The following SLC11A1 variants were observed in gnomAD, a reference collection of about 807,000 sequenced individuals.
The protein encoded by SLC11A1 is solute carrier family 11 member 1, also known as natural resistance-associated macrophage protein 1.
In SLC11A1, 59 loss-of-function variants were observed where a neutral mutation model predicts 63.2. The observed-to-expected ratio is 0.93, with a 90% CI of 0.76 to 1.16. The LOEUF is 1.16. SLC11A1 is among the 50% of genes most tolerant of loss of function. The pLI is 0.00. For missense variants in SLC11A1, 688 were observed against 730.7 expected (o/e 0.94, Z 0.67); for synonymous variants, 305 against 307.8 (o/e 0.99, Z 0.09).
In SLC11A1 at chr2:218,384,277, C is replaced by T. The variant is rs752840408; in HGVS notation, c.185C>T (p.Thr62Met). The T allele has an allele frequency of 9.3e-6, 15 of 1,606,886 alleles. No individual in the cohort carries two copies. The African/African-American group carries it at 9.4e-5, about 10-fold the overall frequency. The change falls in exon 3 of 15, where the codon ACG becomes ATG. Residue 62 changes from threonine (T) to methionine (M), a missense_variant. By Grantham distance (81) the Thr-to-Met change is moderately conservative. Transcript: ENST00000233202. This position sits in a 1 kb window ranked among gnomAD's most constrained non-coding sequence, Gnocchi z 4.0. ...TFSLRKLWAF[T>M]GPGFLMSIAF... ...AGCCTGCGGAAGCTATGGGCCTTCA[C>T]GGGGCCTGGCTTCCTCATGAGCATT...
In SLC11A1 at chr2:218,395,305, A is replaced by C; in HGVS notation, c.*270A>C. 4.6e-6 allele frequency: 2 copies of C among 432,180 alleles called. No homozygotes were observed. Among genetic ancestry groups the C allele is most frequent in the Non-Finnish European group, 4.2e-6 (1 of 238,124 alleles). The allele number at this position is 432,180 out of a possible 1,614,324, so 26.8% of individuals were successfully genotyped here. A position where few individuals can be genotyped will look rare whatever the true frequency, so the allele number is the denominator to read the frequency against. On this transcript the variant is annotated 3_prime_UTR_variant, in exon 15 of 15. Transcript: ENST00000233202. ...CTGGCACTTGGGACAAAAACAAACAAACGAAAAACATTTCAAAAGGTATTT... is the reference window on the plus strand; with the variant it reads ...CTGGCACTTGGGACAAAAACAAACACACGAAAAACATTTCAAAAGGTATTT...
chr2:218,387,165 C>T lies in SLC11A1; in HGVS notation c.506C>T (p.Pro169Leu). 1 of 1,614,220 alleles carries T rather than the reference C, an allele frequency of 6.2e-7. No homozygotes were observed. The highest frequency in any genetic ancestry group is 8.5e-7 in the Non-Finnish European group (1 of 1,180,012). ...CCGGGCCACTCTGGTTTCAGAATCC[C>T]ACTCTGGGGTGGCGTCCTCATCACC... ...AFNLLSAGRI[P>L]LWGGVLITIV... The change falls in exon 6 of 15, where the codon CCA (proline) becomes CTA (leucine). Residue 169 changes from proline (P) to leucine (L), a missense_variant. Physicochemically the swap from Pro to Leu is moderately conservative, Grantham distance 98 (BLOSUM62 -3). Coordinates refer to ENST00000233202, the MANE Select transcript of SLC11A1 (RefSeq NM_000578.4).
chr2:218,391,355 C>T (rs1696430135), intron 10 of SLC11A1, 21 bp from the exon 11 acceptor site: 5 of 1,613,952 alleles, frequency 3.1e-6, no homozygotes, highest in Non-Finnish European at 4.2e-6. Flanking sequence ...GCCACCGGTC[C>T]TACCACACTC....
Position 218,384,342 on chromosome 2 carries a change from G to C in SLC11A1, c.250G>C (p.Ala84Pro), listed in dbSNP as rs764130333. 6.2e-7 allele frequency: 1 copy of C among 1,606,082 alleles called. No individual in the cohort carries two copies. Among genetic ancestry groups the C allele is most frequent in the Non-Finnish European group, 8.5e-7 (1 of 1,174,360 alleles). Reference protein sequence around the residue: ...DPGNIESDLQAGAVAGFKLLW... With the variant: ...DPGNIESDLQPGAVAGFKLLW... ...AGGAAACATCGAGTCAGATCTTCAG[G>C]CTGGCGCCGTGGCGGGATTCAAAGT... The change falls in exon 3 of 15, where the codon GCT (alanine) becomes CCT (proline). Residue 84 changes from alanine to proline, a missense_variant. Coordinates refer to ENST00000233202, the MANE Select transcript of SLC11A1 (RefSeq NM_000578.4). This position sits in a 1 kb window ranked among gnomAD's most constrained non-coding sequence, Gnocchi z 4.0.
intron 11 of SLC11A1, 67 bp downstream of exon 11, chr2:218,391,562 G>C (rs769238360): frequency 2.0e-6 from 3 of 1,471,476 alleles, no homozygotes; most frequent in African/African-American, 2.8e-5. Context: ...CTGGGGGCTA[G>C]AACTCCGAGC....
chr2:218,396,894 A>G lies in SLC11A1; in HGVS notation c.*1859A>G, dbSNP rs895173722. ...GAATTAAAGATGTCAGTTCTCAAGG[A>G]CCCCACACTCCAGCGGCGGGAGACA... On this transcript the variant is annotated 3_prime_UTR_variant, in exon 15 of 15. Coordinates refer to ENST00000233202, the MANE Select transcript of SLC11A1 (RefSeq NM_000578.4). 6.6e-6 allele frequency: 1 copy of G among 152,070 alleles called. No individual in the cohort carries two copies. The highest frequency in any genetic ancestry group is 1.5e-5 in the Non-Finnish European group (1 of 68,072). 9.4% of individuals were successfully genotyped at this position (152,070 alleles called of 1,614,324 possible).
At chr2:218,392,059 T>C in intron 11 of SLC11A1, 1 of 387,008 alleles carries the variant, frequency 2.6e-6, no homozygotes, top group Non-Finnish European at 5.2e-6. Context: ...TCCGGCCTTT[T>C]CTTTTCTTTC....
intron 7 of SLC11A1, 27 bp downstream of exon 7, chr2:218,387,659 T>G: frequency 6.2e-7 from 1 of 1,613,568 alleles, no homozygotes; most frequent in Non-Finnish European, 8.5e-7. Context: ...GCAACCCCAC[T>G]GTGGACCTCC....
chr2:218,385,661 G>GA, intron 4 of SLC11A1: 1 of 362,010 alleles, frequency 2.8e-6, no homozygotes, highest in Non-Finnish European at 5.4e-6. Context: ...AAAGTGCTGG[G>GA]ATTACAGGCA....
At position 218,387,370 on chromosome 2, in the gene SLC11A1, C is replaced by T. The variant is rs1029954651; in HGVS notation, c.571+140C>T. ...GGTGGCCTCTAGCGAGTTACTTGGA[C>T]GTGCCTCTCTTCACCTGTAACATGG... On this transcript the variant is annotated intron_variant, in intron 6 of 14. Coordinates refer to ENST00000233202, the MANE Select transcript of SLC11A1 (RefSeq NM_000578.4). 3 of 984,886 alleles carry T rather than the reference C, an allele frequency of 3.0e-6. No individual in the cohort carries two copies. The Admixed American group carries it at 6.5e-5, about 21-fold the overall frequency. 61.0% of individuals were successfully genotyped at this position (984,886 alleles called of 1,614,324 possible). A position where few individuals can be genotyped will look rare whatever the true frequency, so the allele number is the denominator to read the frequency against.
intron 4 of SLC11A1, 96 bp downstream of exon 4, chr2:218,385,362 T>TG (rs1559117028): frequency 6.6e-7 from 1 of 1,517,552 alleles, no homozygotes; most frequent in Non-Finnish European, 9.1e-7. Context: ...TCATCTCACA[T>TG]GGGGCATCCC....
Position 218,394,707 on chromosome 2 carries a change from G to C in SLC11A1, c.1464G>C (p.Leu488=). 1 of 1,614,036 alleles carries C rather than the reference G, an allele frequency of 6.2e-7. No individual in the cohort carries two copies. The part of the protein sequence containing the change: ...AINLYFVVSY[L]PSLPHPAYFG... ...ACCTCTACTTCGTGGTCAGCTATCTGCCCAGCCTGCCCCACCCTGCCTACT... is the reference window on the plus strand; with the variant it reads ...ACCTCTACTTCGTGGTCAGCTATCTCCCCAGCCTGCCCCACCCTGCCTACT... Residue 488 remains leucine (L), a synonymous_variant, in exon 14 of 15, where the codon CTG becomes CTC. Transcript: ENST00000233202.
chr2:218,394,733 T>TCGGCCTTG lies in SLC11A1; in HGVS notation c.1492_1499dup (p.Leu503GlnfsTer64). On this transcript the variant is annotated frameshift_variant, in exon 14 of 15. Coordinates refer to ENST00000233202, the MANE Select transcript of SLC11A1 (RefSeq NM_000578.4). LOFTEE classifies it high-confidence loss of function. ...CCCAGCCTGCCCCACCCTGCCTACT[T>TCGGCCTTG]CGGCCTTGCAGCCTTGCTGGCCGCA... is the stretch of plus-strand genomic sequence containing the variant. 1 of 1,613,952 alleles carries TCGGCCTTG rather than the reference T, an allele frequency of 6.2e-7. No individual in the cohort carries two copies. The highest frequency in any genetic ancestry group is 8.5e-7 in the Non-Finnish European group (1 of 1,180,046).
chr2:218,389,282 C>T (rs983203542), intron 8 of SLC11A1, among the ~76,000 whole-genome samples: 83 of 151,878 alleles, frequency 5.5e-4, no homozygotes, highest in African/African-American at 2.0e-3. Context: ...GGGTCCCTAA[C>T]AGCTTAACAG....
At chr2:218,387,025 C>A in intron 5 of SLC11A1, 135 bp from the exon 6 acceptor site, 1 of 812,314 alleles carries the variant, frequency 1.2e-6, no homozygotes. Flanking sequence ...ACTCCCACTC[C>A]CCTTGCCCTA....
intron 4 of SLC11A1, among the ~76,000 whole-genome samples, chr2:218,385,888 G>C (rs775446356): frequency 6.6e-6 from 1 of 152,210 alleles, no homozygotes; most frequent in African/African-American, 2.4e-5. Flanking sequence ...GTTGTTGTGA[G>C]TGTCCAGTTT....
intron 4 of SLC11A1, 69 bp from the exon 5 acceptor site, chr2:218,386,543 TAAATGTAGTCTGAGACGACAGAC>T (rs1440731591): frequency 1.5e-4 from 130 of 841,006 alleles, no homozygotes; most frequent in South Asian, 6.6e-4. Context: ...GACTGTCTAG[TAAATGTAGTCTGAGACGACAGAC>T]AAATGTAGTC....
chr2:218,382,888 G>A (rs1326671163), intron 1 of SLC11A1, 72 bp from the exon 2 acceptor site: 3 of 1,592,974 alleles, frequency 1.9e-6, no homozygotes, highest in Non-Finnish European at 2.6e-6. Flanking sequence ...AGGAGGGAAA[G>A]GATCAGGCGG....
chr2:218,393,474 A>AT (rs34589602), intron 12 of SLC11A1, among the ~76,000 whole-genome samples: 2,577 of 130,324 alleles, frequency 0.02, 54 homozygotes, highest in African/African-American at 0.049. Context: ...CACCCAGCTA[A>AT]TTTTTTTTTT....
Sources: gnomAD v4.1 joint callset for allele counts (sites outside exome capture counted in the v4.1 genomes callset) on GRCh38, gnomAD v4.1.1 for gene constraint, Gnocchi (gnomAD v3.1) non-coding constraint, MANE v1.5 for transcripts, NCBI Gene and HGNC (gene_info 2026-07-23, HGNC 2026-07-21) for gene names.